The following SAMD5 variants were observed in gnomAD, a reference collection of about 807,000 sequenced individuals.
The protein encoded by SAMD5 is sterile alpha motif domain-containing protein 5.
In SAMD5, 13 loss-of-function variants were observed where a neutral mutation model predicts 11.3. The observed-to-expected ratio is 1.15, with a 90% CI of 0.75 to 1.83. The LOEUF is 1.83. Among genes scored for constraint, SAMD5 ranks in the 40% most tolerant of loss-of-function variants. SAMD5 has a pLI of 0.00. For missense variants in SAMD5, 255 were observed against 239.1 expected, an observed-to-expected ratio of 1.07 and a Z score of -0.44; for synonymous variants, 129 against 111.3, an observed-to-expected ratio of 1.16 and a Z score of -1.00.
chr6:147,533,136 A>G (rs6914664), intron 1 of SAMD5, among the ~76,000 whole-genome samples: 7,026 of 152,224 alleles, frequency 0.046, 552 homozygotes, highest in African/African-American at 0.16. Flanking sequence ...CAGACCCAAC[A>G]TAGGGGCCCA....
the SAMD5 span, among the ~76,000 whole-genome samples, chr6:147,793,076 A>C: frequency 3.3e-5 from 5 of 152,168 alleles, no homozygotes; most frequent in Non-Finnish European, 7.4e-5. Context: ...AAAGTGCAGT[A>C]TGGGAAAGGG....
chr6:147,652,821 C>T (rs1442373261), intron 1 of SAMD5, among the ~76,000 whole-genome samples: 1 of 152,210 alleles, frequency 6.6e-6, no homozygotes, highest in Non-Finnish European at 1.5e-5. Flanking sequence ...GTTTGGTCAG[C>T]ATTAATGTAC....
At chr6:147,522,668 A>G (rs1788272304) in intron 1 of SAMD5, among the ~76,000 whole-genome samples, 1 of 152,196 alleles carries the variant, frequency 6.6e-6, no homozygotes, top group Admixed American at 6.5e-5. Flanking sequence ...TCTTTCATGA[A>G]AAATGTTTGA....
chr6:147,577,119 C>A (rs1392786005), intron 1 of SAMD5, among the ~76,000 whole-genome samples: 1 of 152,172 alleles, frequency 6.6e-6, no homozygotes, highest in Non-Finnish European at 1.5e-5. Flanking sequence ...CTCCTTCATG[C>A]CTAAATTGAA....
intron 1 of SAMD5, among the ~76,000 whole-genome samples, chr6:147,612,955 T>C (rs529921177): frequency 2.6e-5 from 4 of 152,236 alleles, no homozygotes; most frequent in South Asian, 2.1e-4. Flanking sequence ...TCCCAGCACT[T>C]TGGGAGGCCT....
At chr6:147,661,297 G>A (rs975146740) in intron 1 of SAMD5, among the ~76,000 whole-genome samples, 2 of 152,144 alleles carry the variant, frequency 1.3e-5, no homozygotes, top group African/African-American at 4.8e-5. Flanking sequence ...AAAAAGTGCT[G>A]CTTTTCACAT....
chr6:147,538,501 A>G (rs1157719994), intron 1 of SAMD5, among the ~76,000 whole-genome samples: 1 of 152,194 alleles, frequency 6.6e-6, no homozygotes, highest in Non-Finnish European at 1.5e-5. Context: ...ACTTTTAGCA[A>G]CTTTTATTTT....
chr6:147,895,841 C>T, the SAMD5 span, among the ~76,000 whole-genome samples: 1 of 152,174 alleles, frequency 6.6e-6, no homozygotes, highest in Non-Finnish European at 1.5e-5. Flanking sequence ...GACAGAGACA[C>T]TGTACCAAAT....
At chr6:147,912,094 A>T in the SAMD5 span, among the ~76,000 whole-genome samples, 1 of 152,210 alleles carries the variant, frequency 6.6e-6, no homozygotes, top group South Asian at 2.1e-4. Context: ...GGTCAAAGCC[A>T]GTCCAAGACA....
chr6:147,809,552 CAT>C, the SAMD5 span, among the ~76,000 whole-genome samples: 1 of 152,086 alleles, frequency 6.6e-6, no homozygotes. Context: ...TTAATACAAA[CAT>C]AAAGGTAACA....
At chr6:147,699,371 C>G (rs936903176) in intron 1 of SAMD5, among the ~76,000 whole-genome samples, 1 of 151,586 alleles carries the variant, frequency 6.6e-6, no homozygotes, top group South Asian at 2.1e-4. Context: ...TAAAAAGAAC[C>G]CTGAGGTTTC....
intron 1 of SAMD5, among the ~76,000 whole-genome samples, chr6:147,657,650 G>A (rs1790590342): frequency 6.6e-6 from 1 of 152,220 alleles, no homozygotes; most frequent in Admixed American, 6.5e-5. Context: ...AGGCTCGGAA[G>A]TCCAGGATCA....
intron 1 of SAMD5, among the ~76,000 whole-genome samples, chr6:147,633,551 A>G (rs1178025282): frequency 2.0e-5 from 3 of 152,094 alleles, no homozygotes; most frequent in African/African-American, 7.2e-5. Flanking sequence ...GACAAGGGCT[A>G]TTTTTCCAAA....
intron 1 of SAMD5, among the ~76,000 whole-genome samples, chr6:147,608,383 G>A (rs1012021809): frequency 6.6e-6 from 1 of 152,166 alleles, no homozygotes; most frequent in Non-Finnish European, 1.5e-5. Context: ...AGACTTGGGA[G>A]CAACCTAAGT....
At chr6:147,560,239 T>C (rs185781243) in intron 1 of SAMD5, among the ~76,000 whole-genome samples, 176 of 152,274 alleles carry the variant, frequency 1.2e-3, no homozygotes, top group Middle Eastern at 6.8e-3. Flanking sequence ...TTCCCACCTT[T>C]CTTGGTCCTA....
chr6:147,770,477 A>T, the SAMD5 span, among the ~76,000 whole-genome samples: 1 of 152,162 alleles, frequency 6.6e-6, no homozygotes, highest in Non-Finnish European at 1.5e-5. Flanking sequence ...TCATTGACTG[A>T]CTGAGTTAAG....
the SAMD5 span, among the ~76,000 whole-genome samples, chr6:147,907,822 C>T: frequency 6.6e-6 from 1 of 152,288 alleles, no homozygotes; most frequent in South Asian, 2.1e-4. Flanking sequence ...TTCAGTTGTG[C>T]TATTATTCTC....
At chr6:147,556,882 A>C (rs1788866499) in intron 1 of SAMD5, among the ~76,000 whole-genome samples, 1 of 152,214 alleles carries the variant, frequency 6.6e-6, no homozygotes, top group African/African-American at 2.4e-5. Context: ...TGGCCACTAA[A>C]ACCTTCTCTC....
chr6:147,941,126 C>T, the SAMD5 span, among the ~76,000 whole-genome samples: 3 of 152,162 alleles, frequency 2.0e-5, 1 homozygote, highest in African/African-American at 7.2e-5. Context: ...TAGGATTATC[C>T]TCTTCTTTAT....
Sources: allele counts gnomAD v4.1 joint callset (sites outside exome capture counted in the v4.1 genomes callset), GRCh38; gene constraint gnomAD v4.1.1; transcripts MANE v1.5; gene names NCBI Gene and HGNC (gene_info 2026-07-23, HGNC 2026-07-21).